The following SLC14A2 variants were observed in gnomAD, a reference collection of about 807,000 sequenced individuals.
SLC14A2 encodes urea transporter 2.
In SLC14A2, 91 loss-of-function variants were observed where a neutral mutation model predicts 104.6. That is an observed-to-expected ratio of 0.87 (90% CI 0.73 to 1.04). The LOEUF is 1.04. SLC14A2 is among the 50% of genes least tolerant of loss of function. The probability of loss-of-function intolerance (pLI) is 0.00; values close to 1 mark genes in which losing one functional copy is unlikely to be tolerated. For missense variants in SLC14A2, 1,189 were observed against 1,156.0 expected, an observed-to-expected ratio of 1.03 and a Z score of -0.41; for synonymous variants, 476 against 466.4, an observed-to-expected ratio of 1.02 and a Z score of -0.27.
At chr18:45,237,402 C>A (rs539427559) in intron 1 of SLC14A2, among the ~76,000 whole-genome samples, 1 of 152,072 alleles carries the variant, frequency 6.6e-6, no homozygotes, top group East Asian at 1.9e-4. Flanking sequence ...AGGATTTTGC[C>A]CAAGGTCACA....
chr18:45,438,754 G>T (rs1343168638), intron 1 of SLC14A2, among the ~76,000 whole-genome samples: 1 of 152,204 alleles, frequency 6.6e-6, no homozygotes. Context: ...ATCTATGATA[G>T]GAAAATGGAC....
At chr18:45,464,576 G>A (rs960954307) in intron 1 of SLC14A2, among the ~76,000 whole-genome samples, 1 of 152,210 alleles carries the variant, frequency 6.6e-6, no homozygotes, top group Non-Finnish European at 1.5e-5. Context: ...TTCAGGTGGA[G>A]AGGGCCAGTG....
chr18:45,566,795 AG>A (rs2044272651), intron 2 of SLC14A2, among the ~76,000 whole-genome samples: 1 of 152,348 alleles, frequency 6.6e-6, no homozygotes, highest in African/African-American at 2.4e-5. Flanking sequence ...GTACAGACAG[AG>A]AATACTTCCA....
rs1246867595 is a variant in SLC14A2 at position 45,644,176 on chromosome 18, C to G, written c.1351+16C>G. ...GCCCCCAGCGGTGAATAGCCATGTTCGGGGAAGAAACGCTCTTTGCCTGAC... is the reference window on the plus strand; with the variant it reads ...GCCCCCAGCGGTGAATAGCCATGTTGGGGGAAGAAACGCTCTTTGCCTGAC... On this transcript the variant is annotated intron_variant, in intron 10 of 19. Transcript: ENST00000255226. 4 of 1,613,186 alleles carry G rather than the reference C, an allele frequency of 2.5e-6. No homozygotes were observed. In the African/African-American group the frequency reaches 4.0e-5, roughly 16 times the overall value.
chr18:45,492,556 C>T (rs1250171991), intron 2 of SLC14A2, among the ~76,000 whole-genome samples: 2 of 152,166 alleles, frequency 1.3e-5, no homozygotes, highest in Non-Finnish European at 2.9e-5. Context: ...CAATCACTTC[C>T]CTCAGTCCAC....
chr18:45,555,081 TTGAA>T (rs1392207315), intron 2 of SLC14A2, among the ~76,000 whole-genome samples: 4 of 152,194 alleles, frequency 2.6e-5, no homozygotes, highest in African/African-American at 7.2e-5. Context: ...TAGAACCAAA[TTGAA>T]TGAGCTGAAT....
chr18:45,307,619 GCT>G (rs1410912987), intron 1 of SLC14A2, among the ~76,000 whole-genome samples: 2 of 151,912 alleles, frequency 1.3e-5, no homozygotes, highest in African/African-American at 2.4e-5. Flanking sequence ...CCCCATCGTG[GCT>G]CTCTATCCTT....
intron 1 of SLC14A2, among the ~76,000 whole-genome samples, chr18:45,388,644 A>G (rs1417053219): frequency 2.0e-5 from 3 of 152,062 alleles, no homozygotes; most frequent in African/African-American, 7.2e-5. Context: ...ACCCGCCCTT[A>G]TATTCCCCAA....
intron 1 of SLC14A2, among the ~76,000 whole-genome samples, chr18:45,267,123 C>G (rs906754015): frequency 4.6e-5 from 7 of 152,110 alleles, no homozygotes; most frequent in Admixed American, 4.6e-4. Flanking sequence ...CCAAAAATTC[C>G]AATTATTCAA....
chr18:45,185,729 TA>T, the SLC14A2 span, among the ~76,000 whole-genome samples: 160 of 151,512 alleles, frequency 1.1e-3, no homozygotes, highest in Middle Eastern at 6.8e-3. Context: ...ATTATTCATG[TA>T]AAAAAAAATC....
At chr18:45,338,964 T>C (rs2085365816) in intron 1 of SLC14A2, among the ~76,000 whole-genome samples, 1 of 150,940 alleles carries the variant, frequency 6.6e-6, no homozygotes, top group Non-Finnish European at 1.5e-5. Flanking sequence ...TGAGATAGAG[T>C]CTTGCTCTGT....
chr18:45,281,879 C>T (rs1003326492), intron 1 of SLC14A2, among the ~76,000 whole-genome samples: 1 of 152,182 alleles, frequency 6.6e-6, no homozygotes, highest in Non-Finnish European at 1.5e-5. Flanking sequence ...CAGCCTTGTT[C>T]ACCAGAGCTC....
Position 45,643,163 on chromosome 18 carries a change from C to T in SLC14A2, c.1158C>T (p.Ile386=). Residue 386 remains isoleucine (I), a synonymous_variant, in exon 9 of 20, where the codon ATC becomes ATT. Transcript: ENST00000255226. ...ALFCAYMEAA[I]SNIMSVVGVP... Reference sequence around the variant, plus strand: ...TCTGTGCATACATGGAAGCAGCCATCTCCAACATCATGTCAGTGGTAAGTG... The same window carrying T: ...TCTGTGCATACATGGAAGCAGCCATTTCCAACATCATGTCAGTGGTAAGTG... 1 of 1,614,150 alleles carries T rather than the reference C, an allele frequency of 6.2e-7. No homozygotes were observed. The highest frequency in any genetic ancestry group is 1.1e-5 in the South Asian group (1 of 91,092).
chr18:45,218,257 A>G (rs1393779960), intron 1 of SLC14A2, among the ~76,000 whole-genome samples: 1 of 152,246 alleles, frequency 6.6e-6, no homozygotes, highest in Non-Finnish European at 1.5e-5. Context: ...AAGTAGAATC[A>G]CAAAATATTT....
At chr18:45,343,373 G>A (rs954832697) in intron 1 of SLC14A2, among the ~76,000 whole-genome samples, 1 of 151,942 alleles carries the variant, frequency 6.6e-6, no homozygotes, top group Admixed American at 6.6e-5. Context: ...GGGCGTCGGG[G>A]TGCTGCATGA....
At chr18:45,641,116 C>T in intron 7 of SLC14A2, 93 bp from the exon 8 acceptor site, 1 of 1,371,502 alleles carries the variant, frequency 7.3e-7, no homozygotes, top group South Asian at 1.3e-5. Context: ...TGAACAACAG[C>T]ATGGAGGCCA....
chr18:45,481,251 T>A (rs1300230046), intron 1 of SLC14A2, among the ~76,000 whole-genome samples: 1 of 152,124 alleles, frequency 6.6e-6, no homozygotes, highest in Non-Finnish European at 1.5e-5. Flanking sequence ...TTCTGGCCAA[T>A]AATGCACCAG....
intron 1 of SLC14A2, among the ~76,000 whole-genome samples, chr18:45,319,333 T>C (rs141374090): frequency 1.4e-4 from 21 of 152,348 alleles, no homozygotes; most frequent in East Asian, 3.9e-4. Flanking sequence ...AAAGGCAACA[T>C]TGGTTATATT....
intron 1 of SLC14A2, among the ~76,000 whole-genome samples, chr18:45,323,882 G>A (rs1339918672): frequency 6.6e-6 from 1 of 152,150 alleles, no homozygotes; most frequent in Non-Finnish European, 1.5e-5. Flanking sequence ...GAAGTTGCAG[G>A]TTTTTCTTTG....
Sources: allele counts gnomAD v4.1 joint callset (sites outside exome capture counted in the v4.1 genomes callset), GRCh38; gene constraint gnomAD v4.1.1; transcripts MANE v1.5; gene names NCBI Gene and HGNC (gene_info 2026-07-23, HGNC 2026-07-21).